Variants in ZNF670 observed in about 807,000 individuals in gnomAD.
ZNF670 encodes zinc finger protein 670.
ZNF670 carries 7 observed loss-of-function variants against 10.9 expected under a neutral mutation model. The ratio of observed to expected loss-of-function variants is 0.64; its 90% confidence interval spans 0.36 to 1.20. ZNF670 has a LOEUF of 1.20. ZNF670 is among the 50% of genes most tolerant of loss of function. The pLI is 0.02. For missense variants in ZNF670, 446 were observed against 458.6 expected, an observed-to-expected ratio of 0.97 and a Z score of 0.25; for synonymous variants, 136 against 152.7, an observed-to-expected ratio of 0.89 and a Z score of 0.81.
Position 247,078,721 on chromosome 1 carries a change from C to A in ZNF670, c.-125G>T. 1 of 1,053,858 alleles carries A rather than the reference C, an allele frequency of 9.5e-7. No homozygotes were observed. Among genetic ancestry groups the A allele is most frequent in the Non-Finnish European group, 1.4e-6 (1 of 716,406 alleles). The allele number at this position is 1,053,858 out of a possible 1,614,324, so 65.3% of individuals were successfully genotyped here. ...GGATAAGGGGAAGGAGCAGCGGAGA[C>A]GCACCGAGCTCGCCACATTCGCGCT... On this transcript the variant is annotated 5_prime_UTR_variant, in exon 1 of 4. Transcript: ENST00000366503.
chr1:247,063,669 T>C (rs985119792), intron 1 of ZNF670, among the ~76,000 whole-genome samples: 1 of 150,288 alleles, frequency 6.7e-6, no homozygotes, highest in Non-Finnish European at 1.5e-5. Context: ...GACAGTGGAT[T>C]TGAGACTCTG....
Position 247,051,304 on chromosome 1 carries a change from C to G in ZNF670, c.4-11767G>C, listed in dbSNP as rs184458721. ...ACTCCTTTTAGCAGTTGTTGTAGTG[C>G]TGGTTTGGTAGTGGTGAGTTCTCAG... On this transcript the variant is annotated intron_variant, in intron 1 of 3. Transcript: ENST00000366503. Among the ~76,000 whole-genome samples, 45 of 151,216 alleles carry G rather than the reference C, an allele frequency of 3.0e-4. No individual in the cohort carries two copies. In the East Asian group the frequency reaches 8.8e-3, roughly 29 times the overall value.
At position 247,036,986 on chromosome 1, in the gene ZNF670, A is replaced by C. The variant is rs1242114200; in HGVS notation, c.*463T>G. 2.6e-5 allele frequency: 4 copies of C among 155,220 alleles called. No homozygotes were observed. The highest frequency in any genetic ancestry group is 9.6e-5 in the African/African-American group (4 of 41,472). The allele number at this position is 155,220 out of a possible 1,614,324, so 9.6% of individuals were successfully genotyped here. ...ATTAAAATTGCCTACTATTAGAAAT[A>C]CATTTCAACTTAGTCTAGGGATCCA... On this transcript the variant is annotated 3_prime_UTR_variant, in exon 4 of 4. Coordinates refer to ENST00000366503, the MANE Select transcript of ZNF670 (RefSeq NM_033213.5).
rs1049040067 is a variant in ZNF670 at position 247,035,013 on chromosome 1, G to A, written c.*2436C>T. 4.6e-5 allele frequency among the ~76,000 whole-genome samples: 7 copies of A among 152,230 alleles called. No individual in the cohort carries two copies. Among genetic ancestry groups the A allele is most frequent in the Non-Finnish European group, 2.9e-5 (2 of 68,046 alleles). On this transcript the variant is annotated 3_prime_UTR_variant, in exon 4 of 4. Transcript: ENST00000366503. ...GGAGTTGAGAGTTCTACTGTGGGAAGAGGTGGCAACAGCTGATAACACAAA... is the reference window on the plus strand; with the variant it reads ...GGAGTTGAGAGTTCTACTGTGGGAAAAGGTGGCAACAGCTGATAACACAAA...
intron 1 of ZNF670, 113 bp downstream of exon 1, chr1:247,078,481 G>A (rs915527262): frequency 8.6e-6 from 12 of 1,397,636 alleles, no homozygotes; most frequent in African/African-American, 2.9e-5. Flanking sequence ...CACTAAGGCC[G>A]CGAGGCGCCG....
intron 1 of ZNF670, among the ~76,000 whole-genome samples, chr1:247,071,769 T>C (rs1158457345): frequency 6.6e-6 from 1 of 152,218 alleles, no homozygotes; most frequent in African/African-American, 2.4e-5. Flanking sequence ...CTATTTTGAA[T>C]TTTCATTAAA....
chr1:247,061,244 C>T lies in ZNF670; in HGVS notation c.3+17350G>A, dbSNP rs368092262. On this transcript the variant is annotated intron_variant, in intron 1 of 3. Coordinates refer to ENST00000366503, the MANE Select transcript of ZNF670 (RefSeq NM_033213.5). ...TTGCCCAGGCTGGAGTGCAGAGGCG[C>T]GATCTTGGCTCAATGCAACCTCCGC... 1.0e-4 allele frequency among the ~76,000 whole-genome samples: 15 copies of T among 150,188 alleles called. No individual in the cohort carries two copies. In the East Asian group the frequency reaches 1.4e-3, roughly 14 times the overall value.
chr1:247,077,011 C>A, intron 1 of ZNF670, among the ~76,000 whole-genome samples: 1 of 152,236 alleles, frequency 6.6e-6, no homozygotes, highest in Non-Finnish European at 1.5e-5. Flanking sequence ...GTTCTTGCAC[C>A]ACCTCACTGG....
chr1:247,063,458 C>CT (rs1311267096), intron 1 of ZNF670, among the ~76,000 whole-genome samples: 1 of 151,574 alleles, frequency 6.6e-6, no homozygotes, highest in Non-Finnish European at 1.5e-5. Context: ...TGGTGGGCGC[C>CT]TGTAGTCCCA....
At chr1:247,047,927 T>G (rs962650799) in intron 1 of ZNF670, among the ~76,000 whole-genome samples, 20 of 152,202 alleles carry the variant, frequency 1.3e-4, no homozygotes, top group Admixed American at 1.0e-3. Context: ...TCCAAGCCTG[T>G]GATGGGAGGG....
chr1:247,063,358 G>T (rs921828832), intron 1 of ZNF670, among the ~76,000 whole-genome samples: 1 of 152,094 alleles, frequency 6.6e-6, no homozygotes, highest in African/African-American at 2.4e-5. Context: ...CGGATCAAGA[G>T]GTCAGGAGAT....
intron 1 of ZNF670, among the ~76,000 whole-genome samples, chr1:247,057,653 T>A (rs1055843000): frequency 6.6e-6 from 1 of 152,044 alleles, no homozygotes; most frequent in Non-Finnish European, 1.5e-5. Context: ...TATTTAGCCA[T>A]AAAAAAAGAA....
rs1670216685 is a variant in ZNF670, at chr1:247,038,315, G to C, written c.304C>G (p.Pro102Ala). Residue 102 changes from proline to alanine, a missense_variant, in exon 4 of 4, where the codon CCA becomes GCA. By Grantham distance (27) the Pro-to-Ala change is conservative (BLOSUM62 -1). Transcript: ENST00000366503. ...LNKKVSTGVKPCECSVCGKVF... is the reference protein window; with the variant it reads ...LNKKVSTGVKACECSVCGKVF... ...TTTCCACACACACTGCATTCACATG[G>C]CTTTACTCCAGTAGAAACTTTCTTA... The C allele has an allele frequency of 6.2e-7, 1 of 1,614,048 alleles. No homozygotes were observed. The highest frequency in any genetic ancestry group is 1.3e-5 in the African/African-American group (1 of 74,930).
At chr1:247,069,595 A>C (rs1349513116) in intron 1 of ZNF670, among the ~76,000 whole-genome samples, 1 of 147,808 alleles carries the variant, frequency 6.8e-6, no homozygotes, top group Non-Finnish European at 1.5e-5. Flanking sequence ...GAAACAACCT[A>C]AGTGTCCATC....
intron 1 of ZNF670, among the ~76,000 whole-genome samples, chr1:247,059,362 C>T (rs965298873): frequency 5.9e-5 from 9 of 151,986 alleles, no homozygotes; most frequent in African/African-American, 1.2e-4. Flanking sequence ...AGGAGAATGG[C>T]GTGAACCTGG....
chr1:247,066,126 C>T (rs1272426856), intron 1 of ZNF670, among the ~76,000 whole-genome samples: 1 of 152,182 alleles, frequency 6.6e-6, no homozygotes, highest in Non-Finnish European at 1.5e-5. Flanking sequence ...ACAGTCAGGA[C>T]GATCTTTTGC....
intron 1 of ZNF670, among the ~76,000 whole-genome samples, chr1:247,050,452 GA>G (rs1457019734): frequency 1.3e-5 from 2 of 150,842 alleles, no homozygotes; most frequent in African/African-American, 4.9e-5. Flanking sequence ...GAAGACAGCT[GA>G]TAACTTGGTT....
Position 247,038,070 on chromosome 1 carries a change from T to C in ZNF670, c.549A>G (p.Val183=). ...TGTAAGTGCTCTGAGGCATTTGAAA[T>C]ACACTAGGAAAATCAAAAGGCTTCT... ...VYEKPFDFPS[V]FQMPQSTYTG... is the part of the protein sequence containing the mutation. The change falls in exon 4 of 4, where the codon GTA becomes GTG. Residue 183 remains valine (V), a synonymous_variant. Coordinates refer to ENST00000366503, the MANE Select transcript of ZNF670 (RefSeq NM_033213.5). The C allele has an allele frequency of 6.2e-7, 1 of 1,614,192 alleles. No homozygotes were observed. The highest frequency in any genetic ancestry group is 1.1e-5 in the South Asian group (1 of 91,082).
At position 247,043,522 on chromosome 1, in the gene ZNF670, C is replaced by T. The variant is rs1023140782; in HGVS notation, c.4-3985G>A. On this transcript the variant is annotated intron_variant, in intron 1 of 3. Coordinates refer to ENST00000366503, the MANE Select transcript of ZNF670 (RefSeq NM_033213.5). ...ACAAAAGCTGGGATAAGATTTTAGC[C>T]CTTGTTCCTGAAACAATTCAGGATG... The T allele has an allele frequency of 6.0e-6, 4 of 664,750 alleles. No individual in the cohort carries two copies. In the East Asian group the frequency reaches 1.4e-4, roughly 23 times the overall value. The allele number at this position is 664,750 out of a possible 1,614,324, so 41.2% of individuals were successfully genotyped here. A position where few individuals can be genotyped will look rare whatever the true frequency, so the allele number is the denominator to read the frequency against.
Sources: gnomAD v4.1 joint callset for allele counts (sites outside exome capture counted in the v4.1 genomes callset) on GRCh38, gnomAD v4.1.1 for gene constraint, MANE v1.5 for transcripts, NCBI Gene and HGNC (gene_info 2026-07-23, HGNC 2026-07-21) for gene names.